The following KLF13 variants were observed in gnomAD, a reference collection of about 807,000 sequenced individuals.
KLF13 encodes Krueppel-like factor 13.
KLF13 carries 8 observed loss-of-function variants against 16.7 expected under a neutral mutation model. The ratio of observed to expected loss-of-function variants is 0.48; its 90% CI spans 0.28 to 0.87. The LOEUF is 0.87. KLF13 is among the 40% of genes least tolerant of loss of function. The probability of loss-of-function intolerance (pLI) is 0.10; values close to 1 mark genes in which losing one functional copy is unlikely to be tolerated. For missense variants in KLF13, 447 were observed against 452.2 expected, an observed-to-expected ratio of 0.99 and a Z score of 0.10; for synonymous variants, 245 against 208.4, an observed-to-expected ratio of 1.18 and a Z score of -1.51.
At chr15:31,333,957 G>A (rs547553231) in intron 1 of KLF13, among the ~76,000 whole-genome samples, 1 of 152,186 alleles carries the variant, frequency 6.6e-6, no homozygotes, top group Non-Finnish European at 1.5e-5. Flanking sequence ...CCTCATGGGG[G>A]GGGGAGGGCA....
At chr15:31,328,867 C>T (rs2038773562) in intron 1 of KLF13, among the ~76,000 whole-genome samples, 2 of 152,344 alleles carry the variant, frequency 1.3e-5, no homozygotes, top group African/African-American at 4.8e-5. Context: ...GTGACACTCA[C>T]CTCTTCTACC....
intron 1 of KLF13, among the ~76,000 whole-genome samples, chr15:31,364,282 T>C (rs1372065943): frequency 6.6e-6 from 1 of 152,206 alleles, no homozygotes; most frequent in Non-Finnish European, 1.5e-5. Context: ...ATTGTAGAAA[T>C]GTGGAGCCAC....
chr15:31,349,109 G>A (rs193286691), intron 1 of KLF13, among the ~76,000 whole-genome samples: 1 of 152,274 alleles, frequency 6.6e-6, no homozygotes, highest in East Asian at 1.9e-4. Context: ...CAGCGTTCTT[G>A]CCTAACCACG....
rs2039574961 is a variant in KLF13 at position 31,372,718 on chromosome 15, G to T, written c.*419G>T. On this transcript the variant is annotated 3_prime_UTR_variant, in exon 2 of 2. Coordinates refer to ENST00000307145, the MANE Select transcript of KLF13 (RefSeq NM_015995.4). ...GTCTGGCTGGCTGGCCAGCCTGTGG[G>T]TCTGTTGGGAGCAGATGTGCTCACT... 5.9e-6 allele frequency: 1 copy of T among 170,530 alleles called. No homozygotes were observed. The highest frequency in any genetic ancestry group is 2.4e-5 in the African/African-American group (1 of 42,006). The allele number at this position is 170,530 out of a possible 1,614,324, so 10.6% of individuals were successfully genotyped here. A position where few individuals can be genotyped will look rare whatever the true frequency, so the allele number is the denominator to read the frequency against.
At chr15:31,434,727 C>A (rs1400224252) in intron 1 of KLF13, among the ~76,000 whole-genome samples, 3 of 152,208 alleles carry the variant, frequency 2.0e-5, no homozygotes, top group Non-Finnish European at 4.4e-5. Context: ...CTTCTTGGAG[C>A]TCCCCTTCAT....
intron 1 of KLF13, among the ~76,000 whole-genome samples, chr15:31,432,208 G>T (rs975340589): frequency 6.6e-6 from 1 of 152,076 alleles, no homozygotes; most frequent in African/African-American, 2.4e-5. Flanking sequence ...GTGAAGTTGA[G>T]AATTTTTTTT....
At chr15:31,413,187 C>CA (rs1161762538) in intron 1 of KLF13, among the ~76,000 whole-genome samples, 6,713 of 62,834 alleles carry the variant, frequency 0.11, 624 homozygotes, top group African/African-American at 0.19. Context: ...AATGAATAGA[C>CA]AAAAAAAAAA....
chr15:31,328,100 C>T (rs1033004795), intron 1 of KLF13, among the ~76,000 whole-genome samples: 1 of 137,376 alleles, frequency 7.3e-6, no homozygotes, highest in Non-Finnish European at 1.6e-5. Context: ...GGACCCCTCC[C>T]GGCCGGGAGG....
rs548866527 is a variant in KLF13, at chr15:31,327,575, G to T, written c.363G>T (p.Ala121=). Residue 121 remains alanine, a synonymous_variant, in exon 1 of 2, where the codon GCG becomes GCT. Transcript: ENST00000307145. ...CGGCGGCCGCGCCCCCCAGCCCGGC[G>T]TGGAGCGAGCCGGAGCCCGAGGCGG... is the stretch of plus-strand genomic sequence containing the variant. ...EGAAAAPPSP[A]WSEPEPEAGL... 6.7e-5 allele frequency: 79 copies of T among 1,180,586 alleles called. No individual in the cohort carries two copies. In the South Asian group the frequency reaches 2.1e-3, roughly 32 times the overall value. The allele number at this position is 1,180,586 out of a possible 1,614,324, so 73.1% of individuals were successfully genotyped here. A position where few individuals can be genotyped will look rare whatever the true frequency, so the allele number is the denominator to read the frequency against.
At chr15:31,354,805 A>T (rs2039274557) in intron 1 of KLF13, among the ~76,000 whole-genome samples, 1 of 151,504 alleles carries the variant, frequency 6.6e-6, no homozygotes, top group African/African-American at 2.4e-5. Flanking sequence ...CTCCCCCACC[A>T]CCGTCCTCTC....
intron 1 of KLF13, among the ~76,000 whole-genome samples, chr15:31,365,644 G>A (rs116733536): frequency 1.3e-5 from 2 of 152,192 alleles, no homozygotes; most frequent in Admixed American, 1.3e-4. Context: ...TGGGGGGTTG[G>A]GGGGGAGTTT....
chr15:31,384,211 G>C (rs1012018838), intron 1 of KLF13, among the ~76,000 whole-genome samples: 2 of 152,212 alleles, frequency 1.3e-5, no homozygotes, highest in Admixed American at 1.3e-4. Flanking sequence ...GGCTGAGGCG[G>C]GCAGATCACC....
At chr15:31,409,376 A>G (rs1330110990), downstream of KLF13, among the ~76,000 whole-genome samples, 1 of 152,138 alleles carries the variant, frequency 6.6e-6, no homozygotes, top group Non-Finnish European at 1.5e-5. Context: ...GCATTATACA[A>G]ATCCCAAGAG....
downstream of KLF13, among the ~76,000 whole-genome samples, chr15:31,379,849 CTT>C (rs1159168599): frequency 6.6e-6 from 1 of 152,134 alleles, no homozygotes; most frequent in Non-Finnish European, 1.5e-5. Flanking sequence ...TTTCTCAGGA[CTT>C]GGATTAGAAG....
chr15:31,328,741 C>A (rs1056870840), intron 1 of KLF13, among the ~76,000 whole-genome samples: 7 of 152,190 alleles, frequency 4.6e-5, no homozygotes, highest in Non-Finnish European at 8.8e-5. Context: ...GCGGTTCCCT[C>A]CCCCCTTTTT....
chr15:31,388,196 C>CTGTT (rs771588532), upstream of KLF13, among the ~76,000 whole-genome samples: 13 of 152,254 alleles, frequency 8.5e-5, no homozygotes, highest in Admixed American at 5.2e-4. Flanking sequence ...GCATTAGAAA[C>CTGTT]TGTTTGTTTG....
chr15:31,373,496 A>G lies in KLF13; in HGVS notation c.*1197A>G, dbSNP rs1251642592. 1.3e-5 allele frequency: 2 copies of G among 152,194 alleles called. No individual in the cohort carries two copies. The highest frequency in any genetic ancestry group is 2.9e-5 in the Non-Finnish European group (2 of 68,038). The allele number at this position is 152,194 out of a possible 1,614,324, so 9.4% of individuals were successfully genotyped here. On this transcript the variant is annotated 3_prime_UTR_variant, in exon 2 of 2. Transcript: ENST00000307145. ...GGGCAACACTTTTCTCAGACCCACC[A>G]TGTCCCCAACTCAGACTTAGCAAAC...
upstream of KLF13, among the ~76,000 whole-genome samples, chr15:31,391,837 C>T (rs2039875546): frequency 6.6e-6 from 1 of 152,126 alleles, no homozygotes. Context: ...AGGCGCTTCC[C>T]GGGCTTCCCA....
chr15:31,430,252 A>G (rs970335684), intron 1 of KLF13, among the ~76,000 whole-genome samples: 5 of 152,214 alleles, frequency 3.3e-5, no homozygotes, highest in Non-Finnish European at 1.5e-5. Flanking sequence ...CACCCAGCAA[A>G]GAGGTCATAT....
Sources: gnomAD v4.1 joint callset for allele counts (sites outside exome capture counted in the v4.1 genomes callset) on GRCh38, gnomAD v4.1.1 for gene constraint, MANE v1.5 for transcripts, NCBI Gene and HGNC (gene_info 2026-07-23, HGNC 2026-07-21) for gene names.